Variants in ABCC3 observed in about 807,000 individuals in gnomAD.
The protein encoded by ABCC3 is ATP binding cassette subfamily C member 3.
ABCC3 carries 121 observed loss-of-function variants against 165.3 expected under a neutral mutation model. That is an observed-to-expected ratio of 0.73 (90% CI 0.63 to 0.85). The LOEUF (loss-of-function observed/expected upper bound fraction) is 0.85. Among genes scored for constraint, ABCC3 ranks in the 40% least tolerant of loss-of-function variants. The pLI is 0.00. For synonymous variants in ABCC3, 733 were observed against 810.1 expected, an observed-to-expected ratio of 0.90 and a Z score of 1.62; for missense variants, 1,869 against 1,964.1, an observed-to-expected ratio of 0.95 and a Z score of 0.92.
intron 1 of ABCC3, among the ~76,000 whole-genome samples, chr17:50,636,364 G>A (rs927382603): frequency 6.6e-6 from 1 of 151,602 alleles, no homozygotes; most frequent in Non-Finnish European, 1.5e-5. Flanking sequence ...TTGGGGCAAT[G>A]GAGGTAAAAA....
chr17:50,636,369 T>TAA (rs4148406), intron 1 of ABCC3, among the ~76,000 whole-genome samples: 1 of 145,438 alleles, frequency 6.9e-6, no homozygotes, highest in South Asian at 2.2e-4. Flanking sequence ...GCAATGGAGG[T>TAA]AAAAAAAAAA....
intron 25 of ABCC3, 147 bp from the exon 26 acceptor site, chr17:50,679,651 C>A: frequency 1.5e-6 from 1 of 663,660 alleles, no homozygotes; most frequent in Non-Finnish European, 2.7e-6. Flanking sequence ...AGCTGGCATG[C>A]CTGTGGGCTT....
intron 23 of ABCC3, among the ~76,000 whole-genome samples, chr17:50,676,886 TG>T (rs3063105): frequency 0.08 from 9,006 of 112,324 alleles, 310 homozygotes; most frequent in East Asian, 0.13. Context: ...TTTTTTTTTT[TG>T]GGGGGGGGGG....
chr17:50,639,452 G>A (rs1296970186), intron 1 of ABCC3, among the ~76,000 whole-genome samples: 1 of 152,184 alleles, frequency 6.6e-6, no homozygotes, highest in Non-Finnish European at 1.5e-5. Flanking sequence ...GTAGTCCCCA[G>A]ACAGGGAAAT....
At chr17:50,674,374 GT>G in intron 19 of ABCC3, 1 of 152,226 alleles carries the variant, frequency 6.6e-6, no homozygotes, top group Non-Finnish European at 1.5e-5. Flanking sequence ...CTCAGAGCCT[GT>G]TTTCCATCTG....
At chr17:50,636,256 C>T (rs1312383569) in intron 1 of ABCC3, among the ~76,000 whole-genome samples, 1 of 152,026 alleles carries the variant, frequency 6.6e-6, no homozygotes, top group Admixed American at 6.6e-5. Context: ...CCCAAGAGTT[C>T]GTGCTGTGCA....
intron 1 of ABCC3, among the ~76,000 whole-genome samples, chr17:50,638,137 C>T (rs1269575494): frequency 2.6e-5 from 4 of 152,186 alleles, no homozygotes; most frequent in East Asian, 1.9e-4. Context: ...TGTAATTAAA[C>T]CACCTCACTA....
chr17:50,682,969 C>T (rs576723903), intron 26 of ABCC3, among the ~76,000 whole-genome samples: 52 of 152,174 alleles, frequency 3.4e-4, no homozygotes, highest in African/African-American at 1.3e-3. Context: ...GGGAATCCTC[C>T]TAGGCAGGAG....
intron 17 of ABCC3, among the ~76,000 whole-genome samples, chr17:50,671,274 GA>G (rs375512297): frequency 1.6e-4 from 23 of 147,016 alleles, no homozygotes; most frequent in South Asian, 4.3e-4. Context: ...AAAAAAAAAA[GA>G]AAAAAAAACT....
intron 30 of ABCC3, among the ~76,000 whole-genome samples, chr17:50,690,542 G>A (rs1356163627): frequency 6.6e-6 from 1 of 152,134 alleles, no homozygotes; most frequent in Non-Finnish European, 1.5e-5. Flanking sequence ...AGGTGCACTC[G>A]GTGAGTGGTT....
intron 1 of ABCC3, chr17:50,643,512 A>C (rs1291973843): frequency 2.2e-6 from 1 of 456,118 alleles, no homozygotes; most frequent in East Asian, 6.9e-5. Context: ...TTCACAGAGC[A>C]GGGATAGGCC....
chr17:50,655,159 G>C (rs1164070681), intron 1 of ABCC3, among the ~76,000 whole-genome samples: 3 of 144,410 alleles, frequency 2.1e-5, no homozygotes, highest in East Asian at 4.1e-4. Flanking sequence ...TGTAATCCCA[G>C]CACTTTCGGA....
At position 50,664,123 on chromosome 17, in the gene ABCC3, A is replaced by G. The variant is rs1211810856; in HGVS notation, c.1338+12A>G. The G allele has an allele frequency of 9.3e-6, 15 of 1,613,336 alleles. No homozygotes were observed. Among genetic ancestry groups the G allele is most frequent in the African/African-American group, 4.0e-5 (3 of 74,894 alleles). On this transcript the variant is annotated intron_variant, in intron 10 of 30. Coordinates refer to ENST00000285238, the MANE Select transcript of ABCC3 (RefSeq NM_003786.4). ...ACTTCCTCTGGCAGGTGACTCTCCA[A>G]CCCTGACCTCTGCCTCCTTCCTCTG...
rs1227033512 is a variant in ABCC3, at chr17:50,656,770, T to C, written c.291T>C (p.His97=). The C allele has an allele frequency of 1.2e-6, 2 of 1,613,898 alleles. No homozygotes were observed. Among genetic ancestry groups the C allele is most frequent in the South Asian group, 1.1e-5 (1 of 91,058 alleles). ...TTTACTCCTTCCATGGCCTGGTCCA[T>C]GGCCGGGCCCCTGCCCCTGTTTTCT... ...DLFYSFHGLV[H]GRAPAPVFFV... is the part of the protein sequence containing the mutation. The change falls in exon 3 of 31, where the codon CAT becomes CAC. Residue 97 remains histidine, a synonymous_variant. Coordinates refer to ENST00000285238, the MANE Select transcript of ABCC3 (RefSeq NM_003786.4).
At chr17:50,645,417 C>T (rs1966987279) in intron 1 of ABCC3, among the ~76,000 whole-genome samples, 1 of 140,778 alleles carries the variant, frequency 7.1e-6, no homozygotes, top group Non-Finnish European at 1.5e-5. Context: ...GAACTCAGAA[C>T]TCAAGCATAT....
At chr17:50,673,908 C>CTTTCTTTCTT (rs1296803027) in intron 19 of ABCC3, among the ~76,000 whole-genome samples, 11 of 11,058 alleles carry the variant, frequency 9.9e-4, no homozygotes, top group African/African-American at 5.2e-3. Context: ...TGTTTTCTTT[C>CTTTCTTTCTT]TTTCTTTCTT....
chr17:50,665,172 T>C lies in ABCC3; in HGVS notation c.1358T>C (p.Leu453Pro). The C allele has an allele frequency of 6.2e-7, 1 of 1,614,218 alleles. No homozygotes were observed. Among genetic ancestry groups the C allele is most frequent in the Non-Finnish European group, 8.5e-7 (1 of 1,180,018 alleles). Residue 453 changes from leucine to proline, a missense_variant, in exon 11 of 31, where the codon CTG becomes CCG. Coordinates refer to ENST00000285238, the MANE Select transcript of ABCC3 (RefSeq NM_003786.4). Reference sequence around the variant, plus strand: ...CCTCAGAACCTAGGTCCCTCTGTCCTGGCTGGAGTCGCTTTCATGGTCTTG... The same window carrying C: ...CCTCAGAACCTAGGTCCCTCTGTCCCGGCTGGAGTCGCTTTCATGGTCTTG... ...FLWQNLGPSV[L>P]AGVAFMVLLI...
chr17:50,663,481 G>C, intron 8 of ABCC3, 200 bp from the exon 9 acceptor site: 1 of 611,388 alleles, frequency 1.6e-6, no homozygotes. Flanking sequence ...TAGAGAACGA[G>C]GTGAAGGCAG....
At chr17:50,678,299 C>T in intron 25 of ABCC3, 80 bp downstream of exon 25, 1 of 1,453,158 alleles carries the variant, frequency 6.9e-7, no homozygotes, top group Non-Finnish European at 9.1e-7. Context: ...TCCCGAGTGC[C>T]CCTCCCTGCT....
Sources: gnomAD v4.1 joint callset for allele counts (sites outside exome capture counted in the v4.1 genomes callset) on GRCh38, gnomAD v4.1.1 for gene constraint, MANE v1.5 for transcripts, NCBI Gene and HGNC (gene_info 2026-07-23, HGNC 2026-07-21) for gene names.